BDKRB2: variants seen among roughly 807,000 people sequenced by gnomAD.
The protein encoded by BDKRB2 is B2 bradykinin receptor.
BDKRB2 carries 6 observed loss-of-function variants against 4.0 expected under a neutral mutation model. The ratio of observed to expected loss-of-function variants is 1.49; its 90% CI spans 0.81 to 2.93. The LOEUF (loss-of-function observed/expected upper bound fraction) is 2.93, where lower values mean the gene tolerates loss of function less well. Ranked by LOEUF, BDKRB2 falls within the 30% of genes most tolerant of loss-of-function variation. The pLI, the probability that BDKRB2 is intolerant of heterozygous loss-of-function variation, is 0.00. For synonymous variants in BDKRB2, 225 were observed against 215.3 expected, an observed-to-expected ratio of 1.05 and a Z score of -0.40; for missense variants, 478 against 520.1, an observed-to-expected ratio of 0.92 and a Z score of 0.79.
At chr14:96,239,972 T>C in intron 2 of BDKRB2, 1 of 989,414 alleles carries the variant, frequency 1.0e-6, no homozygotes, top group South Asian at 4.7e-5. Flanking sequence ...GATATCATTT[T>C]TCTCTTTTAA....
intron 1 of BDKRB2, among the ~76,000 whole-genome samples, chr14:96,216,587 C>T (rs1890421156): frequency 2.0e-5 from 3 of 151,570 alleles, no homozygotes; most frequent in Admixed American, 6.6e-5. Flanking sequence ...TGTACCACTG[C>T]ACTCCAGCCT....
intron 1 of BDKRB2, among the ~76,000 whole-genome samples, chr14:96,231,026 A>G (rs1320234162): frequency 6.6e-6 from 1 of 152,168 alleles, no homozygotes; most frequent in Non-Finnish European, 1.5e-5. Context: ...AAAACTGAAA[A>G]GCCCAGTTTG....
At chr14:96,225,856 G>A (rs938816915) in intron 1 of BDKRB2, among the ~76,000 whole-genome samples, 11 of 152,188 alleles carry the variant, frequency 7.2e-5, no homozygotes, top group African/African-American at 2.7e-4. Flanking sequence ...TGCACGTGGT[G>A]GAGGAGCAGG....
rs776011947 is a variant in BDKRB2, at chr14:96,241,083, G to A, written c.755G>A (p.Arg252Gln). Residue 252 changes from arginine to glutamine, a missense_variant, in exon 3 of 3, where the codon CGG becomes CAG. Physicochemically the swap from Arg to Gln is conservative, Grantham distance 43 (BLOSUM62 1). Coordinates refer to ENST00000554311, the MANE Select transcript of BDKRB2 (RefSeq NM_001379692.1). ...FCTMQIMQVL[R>Q]NNEMQKFKEI... Reference sequence around the variant, plus strand: ...ACGATGCAGATCATGCAGGTGCTGCGGAACAACGAGATGCAGAAGTTCAAG... The same window carrying A: ...ACGATGCAGATCATGCAGGTGCTGCAGAACAACGAGATGCAGAAGTTCAAG... 13 of 1,613,856 alleles carry A rather than the reference G, an allele frequency of 8.1e-6. No individual in the cohort carries two copies. The highest frequency in any genetic ancestry group is 4.4e-5 in the South Asian group (4 of 91,078).
intron 1 of BDKRB2, among the ~76,000 whole-genome samples, chr14:96,216,632 A>G (rs961735541): frequency 4.3e-5 from 6 of 139,378 alleles, no homozygotes; most frequent in Non-Finnish European, 8.9e-5. Flanking sequence ...CAACAAAAGA[A>G]AAAGAAGAGA....
intron 1 of BDKRB2, 139 bp downstream of exon 1, chr14:96,205,098 T>C (rs1890143163): frequency 6.0e-6 from 1 of 166,068 alleles, no homozygotes; most frequent in South Asian, 1.1e-4. Flanking sequence ...AAAGTTCCCT[T>C]CCTTCCGGAG....
rs1010009762 is a variant in BDKRB2, at chr14:96,239,056, A to T, written c.75-1347A>T. The stretch of plus-strand genomic sequence containing the variant: ...ACGGACTTTTCCTGGGAAATCCCAG[A>T]GGTGATGATCAGTATCTCTCCCGTG... On this transcript the variant is annotated intron_variant, in intron 2 of 2. Transcript: ENST00000554311. 5 of 985,356 alleles carry T rather than the reference A, an allele frequency of 5.1e-6. No homozygotes were observed. The African/African-American group carries it at 8.7e-5, about 17-fold the overall frequency. The allele number at this position is 985,356 out of a possible 1,614,324, so 61.0% of individuals were successfully genotyped here.
At chr14:96,220,992 C>T (rs1479482100) in intron 1 of BDKRB2, among the ~76,000 whole-genome samples, 2 of 152,022 alleles carry the variant, frequency 1.3e-5, no homozygotes, top group African/African-American at 4.8e-5. Flanking sequence ...ACCACTATAT[C>T]CCCCTATAAA....
chr14:96,240,480 A>T lies in BDKRB2; in HGVS notation c.152A>T (p.Glu51Val), dbSNP rs1240156584. 1 of 1,526,606 alleles carries T rather than the reference A, an allele frequency of 6.6e-7. No individual in the cohort carries two copies. The highest frequency in any genetic ancestry group is 8.8e-7 in the Non-Finnish European group (1 of 1,139,466). The allele number at this position is 1,526,606 out of a possible 1,614,324, so 94.6% of individuals were successfully genotyped here. ...TFAQSKCPQV[E>V]WLGWLNTIQP... ...GCCCAGAGCAAATGCCCCCAAGTGG[A>T]GTGGCTGGGCTGGCTCAACACCATC... Residue 51 changes from glutamate to valine, a missense_variant, in exon 3 of 3, where the codon GAG becomes GTG. Physicochemically the swap from Glu to Val is moderately radical, Grantham distance 121. Transcript: ENST00000554311.
Position 96,238,514 on chromosome 14 carries a change from T to C in BDKRB2, c.74+1333T>C, listed in dbSNP as rs1332294034. The stretch of plus-strand genomic sequence containing the variant: ...TAGAGCATACTTCTTATACCATCAC[T>C]GTAGTTCCTTAAGACTCAGGGGCAA... On this transcript the variant is annotated intron_variant, in intron 2 of 2. Transcript: ENST00000554311. The C allele has an allele frequency of 6.1e-6, 6 of 985,502 alleles. No individual in the cohort carries two copies. The South Asian group carries it at 1.4e-4, about 23-fold the overall frequency. 61.0% of individuals were successfully genotyped at this position (985,502 alleles called of 1,614,324 possible).
chr14:96,236,010 C>T (rs1374531665), intron 1 of BDKRB2, among the ~76,000 whole-genome samples: 1 of 152,126 alleles, frequency 6.6e-6, no homozygotes, highest in Non-Finnish European at 1.5e-5. Flanking sequence ...CTTGTTTCCT[C>T]CTCTGTGAGG....
At position 96,243,886 on chromosome 14, in the gene BDKRB2, A is replaced by G. The variant is rs202216578; in HGVS notation, c.*2382A>G. 19 of 329,380 alleles carry G rather than the reference A, an allele frequency of 5.8e-5. No homozygotes were observed. Among genetic ancestry groups the G allele is most frequent in the Non-Finnish European group, 9.3e-5 (17 of 183,562 alleles). The allele number at this position is 329,380 out of a possible 1,614,324, so 20.4% of individuals were successfully genotyped here. ...CTGTGTTTTGTCACACAGGGCAGTC[A>G]TTCAGCACCAGAGCACGTGATGGTC... On this transcript the variant is annotated 3_prime_UTR_variant, in exon 3 of 3. Transcript: ENST00000554311.
chr14:96,223,115 A>G, intron 1 of BDKRB2: 1 of 1,269,660 alleles, frequency 7.9e-7, no homozygotes, highest in Non-Finnish European at 1.1e-6. Flanking sequence ...ATCATGTCAC[A>G]CAAACAAATT....
intron 2 of BDKRB2, chr14:96,239,814 CTCGCCA>C: frequency 1.0e-6 from 1 of 985,476 alleles, no homozygotes; most frequent in African/African-American, 1.7e-5. Context: ...CCCACCCTCC[CTCGCCA>C]TCTGTATCCT....
In BDKRB2 at chr14:96,237,152, G is replaced by C. The variant is rs753954087; in HGVS notation, c.45G>C (p.Glu15Asp). The change falls in exon 2 of 3, where the codon GAG becomes GAC. Residue 15 changes from glutamate to aspartate, a missense_variant. By Grantham distance (45) the Glu-to-Asp change is conservative. Transcript: ENST00000554311. ...WKISMFLSVR[E>D]DSVPTTASFS... is the part of the protein sequence containing the mutation. ...TATCAATGTTTCTGTCTGTTCGTGAGGACTCCGTGCCCACCACGGCCTCTT... is the reference window on the plus strand; with the variant it reads ...TATCAATGTTTCTGTCTGTTCGTGACGACTCCGTGCCCACCACGGCCTCTT... The C allele has an allele frequency of 2.9e-5, 47 of 1,614,114 alleles. No individual in the cohort carries two copies. The highest frequency in any genetic ancestry group is 3.8e-5 in the Non-Finnish European group (45 of 1,179,948).
intron 1 of BDKRB2, among the ~76,000 whole-genome samples, chr14:96,233,201 T>G (rs1297342711): frequency 6.6e-6 from 1 of 152,060 alleles, no homozygotes; most frequent in Admixed American, 6.6e-5. Context: ...CTCACCTAAT[T>G]TTTTGGTACT....
intron 1 of BDKRB2, among the ~76,000 whole-genome samples, chr14:96,215,921 C>T (rs1265348201): frequency 1.1e-4 from 16 of 152,298 alleles, no homozygotes; most frequent in East Asian, 1.9e-4. Flanking sequence ...CTGCAGTAAG[C>T]GCAGACACAG....
At chr14:96,238,160 A>G in intron 2 of BDKRB2, 1 of 920,124 alleles carries the variant, frequency 1.1e-6, no homozygotes, top group Non-Finnish European at 1.3e-6. Context: ...TGGAAGATTC[A>G]AAGGCTAGGA....
intron 1 of BDKRB2, among the ~76,000 whole-genome samples, chr14:96,229,077 G>A (rs1439026677): frequency 1.3e-5 from 2 of 152,140 alleles, no homozygotes; most frequent in East Asian, 3.9e-4. Flanking sequence ...TGTCTGCTGG[G>A]GAGAAGAGGA....
Sources: gnomAD v4.1 joint callset for allele counts (sites outside exome capture counted in the v4.1 genomes callset) on GRCh38, gnomAD v4.1.1 for gene constraint, MANE v1.5 for transcripts, NCBI Gene and HGNC (gene_info 2026-07-23, HGNC 2026-07-21) for gene names.